The following NRF1 variants were observed in gnomAD, a reference collection of about 807,000 sequenced individuals.
NRF1 encodes the protein nuclear respiratory factor 1.
NRF1 carries 5 observed loss-of-function variants against 58.5 expected under a neutral mutation model. The observed-to-expected ratio is 0.09, with a 90% CI of 0.04 to 0.18. The LOEUF (loss-of-function observed/expected upper bound fraction) is 0.18. Ranked by LOEUF, NRF1 falls within the 10% of genes least tolerant of loss-of-function variation. NRF1 has a pLI of 1.00. For missense variants in NRF1, 288 were observed against 657.7 expected (o/e 0.44, Z 6.15); for synonymous variants, 224 against 246.7 (o/e 0.91, Z 0.86).
rs1008210052 is a variant in NRF1, at chr7:129,756,866, A to AT, written c.*1692dup. On this transcript the variant is annotated 3_prime_UTR_variant, in exon 11 of 11. Transcript: ENST00000393232. ...AATAGTCCTAGTTCTACAATTTGTT[A>AT]TTTTTTTAATTATTATTTTTTATCG... 6.6e-6 allele frequency: 1 copy of AT among 152,382 alleles called. No homozygotes were observed. Among genetic ancestry groups the AT allele is most frequent in the Admixed American group, 6.6e-5 (1 of 15,264 alleles). The allele number at this position is 152,382 out of a possible 1,614,324, so 9.4% of individuals were successfully genotyped here. A position where few individuals can be genotyped will look rare whatever the true frequency, so the allele number is the denominator to read the frequency against.
chr7:129,651,418 T>C (rs1801531426), intron 1 of NRF1, among the ~76,000 whole-genome samples: 1 of 32,368 alleles, frequency 3.1e-5, no homozygotes, highest in African/African-American at 9.2e-5. Context: ...AGACTCTGTC[T>C]CAAAAAAAAA....
At chr7:129,698,923 G>C (rs1802757313) in intron 5 of NRF1, among the ~76,000 whole-genome samples, 1 of 152,140 alleles carries the variant, frequency 6.6e-6, no homozygotes. Flanking sequence ...GTTCTTGGGA[G>C]GTGGTAAATC....
At chr7:129,674,950 C>T (rs980271389) in intron 3 of NRF1, among the ~76,000 whole-genome samples, 1 of 152,168 alleles carries the variant, frequency 6.6e-6, no homozygotes, top group Non-Finnish European at 1.5e-5. Flanking sequence ...AACGATTTCT[C>T]TGTAACGTGG....
At chr7:129,707,751 G>T (rs1802985456) in intron 5 of NRF1, among the ~76,000 whole-genome samples, 1 of 152,118 alleles carries the variant, frequency 6.6e-6, no homozygotes, top group South Asian at 2.1e-4. Flanking sequence ...TTGGGGCATT[G>T]GGGGACTTAG....
chr7:129,695,547 G>T (rs190621519), intron 5 of NRF1, among the ~76,000 whole-genome samples: 136 of 148,892 alleles, frequency 9.1e-4, no homozygotes, highest in Non-Finnish European at 1.8e-3. Flanking sequence ...CTGCACTCCA[G>T]CCTGGGTGAC....
chr7:129,727,451 A>G (rs931440576), intron 10 of NRF1, 86 bp downstream of exon 10: 24 of 1,421,182 alleles, frequency 1.7e-5, no homozygotes, highest in South Asian at 2.8e-5. Flanking sequence ...GCCTTCAGAA[A>G]GAGTTTGAGC....
chr7:129,629,394 C>G (rs1389158379), intron 1 of NRF1, among the ~76,000 whole-genome samples: 2 of 151,998 alleles, frequency 1.3e-5, no homozygotes, highest in African/African-American at 2.4e-5. Context: ...TTCTCTGCCT[C>G]AGCCTCCTGA....
At chr7:129,634,039 A>AT (rs1370530259) in intron 1 of NRF1, among the ~76,000 whole-genome samples, 7,746 of 88,512 alleles carry the variant, frequency 0.088, 266 homozygotes, top group African/African-American at 0.18. Flanking sequence ...TAAAAAAAAA[A>AT]AAAGATATAT....
At chr7:129,658,174 C>T (rs1051054769) in intron 2 of NRF1, among the ~76,000 whole-genome samples, 3 of 151,920 alleles carry the variant, frequency 2.0e-5, no homozygotes, top group South Asian at 4.2e-4. Context: ...TCTTTCTTGG[C>T]GTTTTCTTTT....
At chr7:129,686,021 GA>G (rs1379990750) in intron 4 of NRF1, among the ~76,000 whole-genome samples, 1 of 146,982 alleles carries the variant, frequency 6.8e-6, no homozygotes, top group Non-Finnish European at 1.5e-5. Flanking sequence ...AGAATCTCTT[GA>G]ACCCAGGAGA....
At chr7:129,721,480 CTT>C (rs1177344971) in intron 9 of NRF1, among the ~76,000 whole-genome samples, 31 of 137,694 alleles carry the variant, frequency 2.3e-4, no homozygotes, top group Admixed American at 3.6e-4. Context: ...TGCTCTTAGT[CTT>C]TTTTTTTTTT....
chr7:129,620,204 G>A (rs1800760749), intron 1 of NRF1, among the ~76,000 whole-genome samples: 1 of 152,138 alleles, frequency 6.6e-6, no homozygotes, highest in Non-Finnish European at 1.5e-5. Context: ...GAACTTCTTA[G>A]AAATGGGAGT....
At chr7:129,724,656 A>G (rs1803408699) in intron 9 of NRF1, among the ~76,000 whole-genome samples, 1 of 152,234 alleles carries the variant, frequency 6.6e-6, no homozygotes, top group Admixed American at 6.5e-5. Flanking sequence ...ATGAATGGAT[A>G]CACAATGGAA....
rs368186200 is a variant in NRF1 at position 129,643,938 on chromosome 7, G to A, written c.-6-13408G>A. On this transcript the variant is annotated intron_variant, in intron 1 of 10. Coordinates refer to ENST00000393232, the MANE Select transcript of NRF1 (RefSeq NM_005011.5). ...CTCCCCCTGAATCTGCTGTCTGCGC[G>A]TTCATTGATGTCCCCTTGCTATGCC... Among the ~76,000 whole-genome samples the A allele has an allele frequency of 2.3e-4, 35 of 152,292 alleles. No homozygotes were observed. In the East Asian group the frequency reaches 2.5e-3, roughly 11 times the overall value.
At position 129,690,421 on chromosome 7, in the gene NRF1, A is replaced by C; in HGVS notation, c.481A>C (p.Ser161Arg). 2 of 1,614,034 alleles carry C rather than the reference A, an allele frequency of 1.2e-6. No individual in the cohort carries two copies. The highest frequency in any genetic ancestry group is 1.7e-6 in the Non-Finnish European group (2 of 1,179,942). ...PLENVVRKYK[S>R]MILEDLESAL... The stretch of plus-strand genomic sequence containing the variant: ...TTCCCTGCAGGTGCGTAAGTACAAG[A>C]GCATGATCCTGGAAGACCTGGAGTC... Residue 161 changes from serine (S) to arginine (R), a missense_variant, in exon 5 of 11, where the codon AGC (serine) becomes CGC (arginine). Physicochemically the swap from Ser to Arg is moderately radical, Grantham distance 110. Around this residue, in one of 3 missense-constraint regions of NRF1, gnomAD observed 212 missense variants for 559.7 expected, o/e 0.38. Coordinates refer to ENST00000393232, the MANE Select transcript of NRF1 (RefSeq NM_005011.5).
At chr7:129,744,270 T>G in intron 10 of NRF1, 1 of 1,523,744 alleles carries the variant, frequency 6.6e-7, no homozygotes. Flanking sequence ...AGCTGGAGGA[T>G]AGAGTCACTG....
At chr7:129,636,878 T>TG (rs1199220498) in intron 1 of NRF1, among the ~76,000 whole-genome samples, 2 of 152,180 alleles carry the variant, frequency 1.3e-5, no homozygotes, top group Non-Finnish European at 2.9e-5. Flanking sequence ...ACCATTATGT[T>TG]TCTTTGTCTT....
At chr7:129,631,912 A>G (rs867839805) in intron 1 of NRF1, among the ~76,000 whole-genome samples, 3 of 152,188 alleles carry the variant, frequency 2.0e-5, no homozygotes, top group Non-Finnish European at 4.4e-5. Context: ...CACGGATTTC[A>G]GATTGCTGTT....
intron 10 of NRF1, among the ~76,000 whole-genome samples, chr7:129,730,996 G>A (rs1371633130): frequency 6.6e-6 from 1 of 151,496 alleles, no homozygotes; most frequent in Non-Finnish European, 1.5e-5. Flanking sequence ...AAAAAGCCAG[G>A]CTCAGTGGCT....
Sources: gnomAD v4.1 joint callset for allele counts (sites outside exome capture counted in the v4.1 genomes callset) on GRCh38, gnomAD v4.1.1 for gene constraint, gnomAD v4.1.1 regional missense constraint, MANE v1.5 for transcripts, NCBI Gene and HGNC (gene_info 2026-07-23, HGNC 2026-07-21) for gene names.